The following CRAMP1 variants were observed in gnomAD, a reference collection of about 807,000 sequenced individuals.
The protein encoded by CRAMP1 is cramped chromatin regulator 1.
Under a neutral mutation model 115.4 loss-of-function variants are expected in CRAMP1, and 50 were observed. The ratio of observed to expected loss-of-function variants is 0.43; its 90% CI spans 0.35 to 0.55. CRAMP1 has a LOEUF of 0.55. Ranked by LOEUF, CRAMP1 falls within the 20% of genes least tolerant of loss-of-function variation. The probability of loss-of-function intolerance (pLI) is 0.01; values close to 1 mark genes in which losing one functional copy is unlikely to be tolerated. For missense variants in CRAMP1, 1,679 were observed against 1,721.7 expected (o/e 0.98, Z 0.44); for synonymous variants, 866 against 745.4 (o/e 1.16, Z -2.64).
At chr16:1,657,810 G>A (rs1334315861) in intron 10 of CRAMP1, among the ~76,000 whole-genome samples, 2 of 152,204 alleles carry the variant, frequency 1.3e-5, no homozygotes, top group African/African-American at 2.4e-5. Context: ...AAGGTCCCAC[G>A]GCAGGTCCAT....
Position 1,614,300 on chromosome 16 carries a change from C to T in CRAMP1, c.-1-339C>T, listed in dbSNP as rs1190325754. Among the ~76,000 whole-genome samples the T allele has an allele frequency of 1.4e-5, 2 of 146,552 alleles. No individual in the cohort carries two copies. Among genetic ancestry groups the T allele is most frequent in the East Asian group, 4.0e-4 (2 of 5,000 alleles). On this transcript the variant is annotated intron_variant, in intron 1 of 20. Transcript: ENST00000397412. The surrounding 1 kb of genome is among the most constrained non-coding windows in gnomAD (Gnocchi z 4.4). ...GCCCAGACCCGCGCCCGCGCCGGGGCTCCCATAGACCCCGGGGCCGGGGCC... is the reference window on the plus strand; with the variant it reads ...GCCCAGACCCGCGCCCGCGCCGGGGTTCCCATAGACCCCGGGGCCGGGGCC...
chr16:1,655,157 T>C, intron 8 of CRAMP1, 62 bp from the exon 9 acceptor site: 1 of 1,423,894 alleles, frequency 7.0e-7, no homozygotes, highest in Non-Finnish European at 9.9e-7. Context: ...GCCTCGGGAC[T>C]CTTCAGATGG....
At chr16:1,664,963 G>T in intron 13 of CRAMP1, 94 bp from the exon 14 acceptor site, 1 of 860,050 alleles carries the variant, frequency 1.2e-6, no homozygotes. Flanking sequence ...GGCTATGCTG[G>T]GCACCCTCTT....
chr16:1,656,172 G>A lies in CRAMP1; in HGVS notation c.1415G>A (p.Gly472Asp). The A allele has an allele frequency of 6.2e-7, 1 of 1,604,686 alleles. No homozygotes were observed. ...CCGCGGAGCGGAGCTGAGGGCAAGG[G>A]TGTGGGGCGGCCCCCTCCTGCGGCT... is the stretch of plus-strand genomic sequence containing the variant. ...KCPRSGAEGK[G>D]VGRPPPAADA... The change falls in exon 10 of 21, where the codon GGT becomes GAT. Residue 472 changes from glycine (G) to aspartate (D), a missense_variant. Physicochemically the swap from Gly to Asp is moderately conservative, Grantham distance 94. Around this residue, in one of 8 missense-constraint regions of CRAMP1, gnomAD observed 405 missense variants for 302.6 expected, o/e 1.34. Coordinates refer to ENST00000397412, the MANE Select transcript of CRAMP1 (RefSeq NM_020825.4). This position sits in a 1 kb window ranked among gnomAD's most constrained non-coding sequence, Gnocchi z 5.6.
Position 1,614,628 on chromosome 16 carries a change from C to A in CRAMP1, c.-1-11C>A. On this transcript the variant is annotated splice_polypyrimidine_tract_variant and intron_variant, in intron 1 of 20. Transcript: ENST00000397412. This position sits in a 1 kb window ranked among gnomAD's most constrained non-coding sequence, Gnocchi z 4.4. ...CCGCCTCACCGGCCGCCTCCCCTCT[C>A]CCGGCCGCAGGATGACAGTGAAGTT... 1 of 1,238,500 alleles carries A rather than the reference C, an allele frequency of 8.1e-7. No homozygotes were observed. Among genetic ancestry groups the A allele is most frequent in the Non-Finnish European group, 1.0e-6 (1 of 986,348 alleles). The allele number at this position is 1,238,500 out of a possible 1,614,324, so 76.7% of individuals were successfully genotyped here.
intron 6 of CRAMP1, among the ~76,000 whole-genome samples, chr16:1,649,384 A>G (rs1029853306): frequency 1.3e-5 from 2 of 152,258 alleles, no homozygotes; most frequent in Non-Finnish European, 2.9e-5. Context: ...AGTAGCTGCC[A>G]TGCATGAGGG....
chr16:1,620,213 T>C (rs2036454581), intron 2 of CRAMP1, among the ~76,000 whole-genome samples: 1 of 152,216 alleles, frequency 6.6e-6, no homozygotes, highest in South Asian at 2.1e-4. Context: ...AGGCACGGAA[T>C]GCCTCAGGAG....
At chr16:1,633,043 G>T (rs2036559231) in intron 4 of CRAMP1, among the ~76,000 whole-genome samples, 1 of 152,148 alleles carries the variant, frequency 6.6e-6, no homozygotes, top group Non-Finnish European at 1.5e-5. Flanking sequence ...ACACAGCTTG[G>T]TCCTTCCAGA....
rs540971610 is a variant in CRAMP1 at position 1,676,913 on chromosome 16, G to T, written c.*2868G>T. 1 of 152,310 alleles carries T rather than the reference G, an allele frequency of 6.6e-6. No individual in the cohort carries two copies. Among genetic ancestry groups the T allele is most frequent in the African/African-American group, 2.4e-5 (1 of 41,452 alleles). 9.4% of individuals were successfully genotyped at this position (152,310 alleles called of 1,614,324 possible). On this transcript the variant is annotated 3_prime_UTR_variant, in exon 21 of 21. Transcript: ENST00000397412. ...CCGCGGTTGGCCTCCTTGCTTTGCC[G>T]CACCTCCAGGTTCTGGGCATGAGAG...
chr16:1,649,280 G>C (rs1339770503), intron 6 of CRAMP1, among the ~76,000 whole-genome samples: 1 of 152,150 alleles, frequency 6.6e-6, no homozygotes, highest in African/African-American at 2.4e-5. Context: ...CACTCAGTCA[G>C]TAGTTGGGTG....
chr16:1,627,622 G>A lies in CRAMP1; in HGVS notation c.540+1456G>A, dbSNP rs118026178. Among the ~76,000 whole-genome samples, 380 of 152,286 alleles carry A rather than the reference G, an allele frequency of 2.5e-3. 2 individuals carry two copies. Among genetic ancestry groups the A allele is most frequent in the Middle Eastern group, 0.014 (4 of 294 alleles). ...CGCCCTGGGCTGCAGGTTAGGTTCT[G>A]CCCACCCCAGGTGGACCGGACTGCC... is the stretch of plus-strand genomic sequence containing the variant. On this transcript the variant is annotated intron_variant, in intron 3 of 20. Transcript: ENST00000397412.
At chr16:1,661,352 C>T (rs1288534649) in intron 11 of CRAMP1, among the ~76,000 whole-genome samples, 2 of 147,218 alleles carry the variant, frequency 1.4e-5, no homozygotes, top group African/African-American at 2.5e-5. Context: ...CGGAGGGGGC[C>T]GGGTGAGGGG....
Position 1,669,649 on chromosome 16 carries a change from A to G in CRAMP1, c.3499+484A>G, listed in dbSNP as rs1477881327. 6.6e-6 allele frequency among the ~76,000 whole-genome samples: 1 copy of G among 152,166 alleles called. No homozygotes were observed. Among genetic ancestry groups the G allele is most frequent in the African/African-American group, 2.4e-5 (1 of 41,442 alleles). ...ATCGGAGAGTTCAGAGGACGTGTCC[A>G]TCCTCCTCCCCCACTGCCCGTTTGC... On this transcript the variant is annotated intron_variant, in intron 19 of 20. Coordinates refer to ENST00000397412, the MANE Select transcript of CRAMP1 (RefSeq NM_020825.4). The surrounding 1 kb of genome is among the most constrained non-coding windows in gnomAD (Gnocchi z 4.6).
At chr16:1,615,644 T>A (rs1370610326) in intron 2 of CRAMP1, among the ~76,000 whole-genome samples, 1 of 152,266 alleles carries the variant, frequency 6.6e-6, no homozygotes, top group Non-Finnish European at 1.5e-5. Flanking sequence ...AGAATGTTGC[T>A]ACTTAGCTGG....
rs2142164840 is a variant in CRAMP1 at position 1,614,766 on chromosome 16, A to C, written c.127A>C (p.Ser43Arg). The C allele has an allele frequency of 2.2e-6, 3 of 1,363,936 alleles. No homozygotes were observed. The highest frequency in any genetic ancestry group is 2.9e-6 in the Non-Finnish European group (3 of 1,046,762). The allele number at this position is 1,363,936 out of a possible 1,614,324, so 84.5% of individuals were successfully genotyped here. The change falls in exon 2 of 21, where the codon AGC becomes CGC. Residue 43 changes from serine (S) to arginine (R), a missense_variant. By Grantham distance (110) the Ser-to-Arg change is moderately radical (BLOSUM62 -1). This residue lies in a region of CRAMP1 where 264 missense variants were observed against 229.7 expected (regional missense o/e 1.15). Coordinates refer to ENST00000397412, the MANE Select transcript of CRAMP1 (RefSeq NM_020825.4). This position sits in a 1 kb window ranked among gnomAD's most constrained non-coding sequence, Gnocchi z 4.4. ...AGGADAAEES[S>R]GTKRDEKTPR... ...CGGCGCAGACGCGGCCGAGGAGAGC[A>C]GCGGCACAAAGAGGGACGAGAAGAC...
In CRAMP1 at chr16:1,614,153, G is replaced by A. The variant is rs2036393699; in HGVS notation, c.-1-486G>A. 6.7e-6 allele frequency among the ~76,000 whole-genome samples: 1 copy of A among 148,468 alleles called. No homozygotes were observed. Among genetic ancestry groups the A allele is most frequent in the Admixed American group, 6.7e-5 (1 of 14,990 alleles). The stretch of plus-strand genomic sequence containing the variant: ...GGTGGGACGAGGGGCTAGGGCTGGG[G>A]CTGCGGCCCGGCCGGCCGAGGCGGC... On this transcript the variant is annotated intron_variant, in intron 1 of 20. Transcript: ENST00000397412. This position sits in a 1 kb window ranked among gnomAD's most constrained non-coding sequence, Gnocchi z 4.4.
Position 1,614,303 on chromosome 16 carries a change from C to T in CRAMP1, c.-1-336C>T, listed in dbSNP as rs1205349503. ...CAGACCCGCGCCCGCGCCGGGGCTCCCATAGACCCCGGGGCCGGGGCCGGG... is the reference window on the plus strand; with the variant it reads ...CAGACCCGCGCCCGCGCCGGGGCTCTCATAGACCCCGGGGCCGGGGCCGGG... On this transcript the variant is annotated intron_variant, in intron 1 of 20. Transcript: ENST00000397412. This position sits in a 1 kb window ranked among gnomAD's most constrained non-coding sequence, Gnocchi z 4.4. 3.8e-5 allele frequency among the ~76,000 whole-genome samples: 5 copies of T among 131,678 alleles called. No homozygotes were observed. Among genetic ancestry groups the T allele is most frequent in the African/African-American group, 1.1e-4 (4 of 35,552 alleles). 86.4% of individuals were successfully genotyped at this position (131,678 alleles called of 152,430 possible).
chr16:1,660,103 C>G, intron 11 of CRAMP1, 40 bp downstream of exon 11: 1 of 1,458,452 alleles, frequency 6.9e-7, no homozygotes, highest in Non-Finnish European at 9.0e-7. Context: ...CCTGGGCTGC[C>G]CTGATGGCAC....
chr16:1,657,629 A>G (rs2036787548), intron 10 of CRAMP1, among the ~76,000 whole-genome samples: 1 of 152,220 alleles, frequency 6.6e-6, no homozygotes, highest in African/African-American at 2.4e-5. Flanking sequence ...GCTGGGGACC[A>G]GACAGGACGG....
Sources: gnomAD v4.1 joint callset for allele counts (sites outside exome capture counted in the v4.1 genomes callset) on GRCh38, gnomAD v4.1.1 for gene constraint, gnomAD v4.1.1 regional missense constraint, Gnocchi (gnomAD v3.1) non-coding constraint, MANE v1.5 for transcripts, NCBI Gene and HGNC (gene_info 2026-07-23, HGNC 2026-07-21) for gene names.